Variants in MAGI2 observed in about 807,000 individuals in gnomAD.
The protein encoded by MAGI2 is membrane associated guanylate kinase, WW and PDZ domain containing 2, also known as membrane-associated guanylate kinase, WW and PDZ domain-containing protein 2.
In MAGI2, 35 loss-of-function variants were observed where a neutral mutation model predicts 133.3. The ratio of observed to expected loss-of-function variants is 0.26; its 90% CI spans 0.20 to 0.35. The LOEUF (loss-of-function observed/expected upper bound fraction) is 0.35, where lower values mean the gene tolerates loss of function less well. MAGI2 is among the 10% of genes least tolerant of loss of function. The pLI, the probability that MAGI2 is intolerant of heterozygous loss-of-function variation, is 1.00. For synonymous variants in MAGI2, 729 were observed against 710.6 expected (o/e 1.03, Z -0.41); for missense variants, 1,636 against 1,863.4 (o/e 0.88, Z 2.25).
intron 2 of MAGI2, among the ~76,000 whole-genome samples, chr7:78,906,291 C>G (rs1797987796): frequency 1.3e-5 from 2 of 152,204 alleles, no homozygotes; most frequent in Non-Finnish European, 2.9e-5. Flanking sequence ...CCTTTGGTAC[C>G]TGAAATGGCT....
intron 1 of MAGI2, among the ~76,000 whole-genome samples, chr7:79,114,128 T>C (rs1195059832): frequency 6.6e-6 from 1 of 152,162 alleles, no homozygotes; most frequent in Admixed American, 6.5e-5. Context: ...AAATGGGGTC[T>C]AAAATCAAGC....
At chr7:79,334,801 T>A (rs1317331873) in intron 1 of MAGI2, among the ~76,000 whole-genome samples, 1 of 152,184 alleles carries the variant, frequency 6.6e-6, no homozygotes, top group Non-Finnish European at 1.5e-5. Context: ...ACATAGTCTG[T>A]CCTCAAGACT....
chr7:79,344,363 T>C (rs1335511659), intron 1 of MAGI2, among the ~76,000 whole-genome samples: 2 of 152,086 alleles, frequency 1.3e-5, no homozygotes, highest in African/African-American at 4.8e-5. Flanking sequence ...TTTAGAAATC[T>C]AGCAATGCAA....
chr7:78,832,733 A>G (rs1791297454), intron 2 of MAGI2, among the ~76,000 whole-genome samples: 2 of 152,328 alleles, frequency 1.3e-5, no homozygotes, highest in Non-Finnish European at 2.9e-5. Context: ...TTGTAAATAC[A>G]AAGTGGCATG....
chr7:78,169,521 G>C (rs1825923412), intron 14 of MAGI2, among the ~76,000 whole-genome samples: 1 of 152,354 alleles, frequency 6.6e-6, no homozygotes, highest in South Asian at 2.1e-4. Flanking sequence ...CTGTTAACAT[G>C]ATAGCCAGAT....
At chr7:78,587,142 T>A (rs1803506286) in intron 3 of MAGI2, among the ~76,000 whole-genome samples, 1 of 152,224 alleles carries the variant, frequency 6.6e-6, no homozygotes, top group Non-Finnish European at 1.5e-5. Context: ...TTTGATATTT[T>A]GAGGAACCAC....
intron 1 of MAGI2, among the ~76,000 whole-genome samples, chr7:79,280,235 T>C (rs1053026307): frequency 6.6e-6 from 1 of 152,158 alleles, no homozygotes; most frequent in African/African-American, 2.4e-5. Context: ...CTGGGAGCAC[T>C]GGGGATTTAT....
chr7:78,749,647 G>A lies in MAGI2; in HGVS notation c.419-122408C>T, dbSNP rs186992280. 3.9e-5 allele frequency among the ~76,000 whole-genome samples: 6 copies of A among 152,268 alleles called. No individual in the cohort carries two copies. In the East Asian group the frequency reaches 1.2e-3, roughly 30 times the overall value. ...TGGCAGAATAAGGATAGATTGCAGA[G>A]GGCCTCAAATGCCAAGCTAGGGAGT... is the stretch of plus-strand genomic sequence containing the variant. On this transcript the variant is annotated intron_variant, in intron 2 of 21. Coordinates refer to ENST00000354212, the MANE Select transcript of MAGI2 (RefSeq NM_012301.4).
chr7:79,090,711 A>G (rs1176031338), intron 1 of MAGI2, among the ~76,000 whole-genome samples: 1 of 152,210 alleles, frequency 6.6e-6, no homozygotes, highest in Non-Finnish European at 1.5e-5. Context: ...TGACAATGCC[A>G]TAATTGTGTG....
chr7:79,105,652 A>G (rs980717921), intron 1 of MAGI2, among the ~76,000 whole-genome samples: 18 of 152,192 alleles, frequency 1.2e-4, no homozygotes, highest in African/African-American at 3.9e-4. Flanking sequence ...AATAATCTTA[A>G]TGTTAGCATA....
chr7:78,535,497 T>C lies in MAGI2; in HGVS notation c.539-13852A>G, dbSNP rs562315017. ...ATTTACAAAGGTAAAGATGTTATCTTTGAAACTGCCTTTGTAAAAATTATA... is the reference window on the plus strand; with the variant it reads ...ATTTACAAAGGTAAAGATGTTATCTCTGAAACTGCCTTTGTAAAAATTATA... On this transcript the variant is annotated intron_variant, in intron 3 of 21. Coordinates refer to ENST00000354212, the MANE Select transcript of MAGI2 (RefSeq NM_012301.4). 2.6e-5 allele frequency among the ~76,000 whole-genome samples: 4 copies of C among 152,324 alleles called. No homozygotes were observed. The South Asian group carries it at 8.3e-4, about 32-fold the overall frequency.
intron 1 of MAGI2, among the ~76,000 whole-genome samples, chr7:79,145,636 C>T (rs1162778695): frequency 6.6e-6 from 1 of 152,112 alleles, no homozygotes; most frequent in African/African-American, 2.4e-5. Context: ...AGAACCAATG[C>T]TCGTGTTCAC....
chr7:78,541,176 C>T (rs1270658898), intron 3 of MAGI2, among the ~76,000 whole-genome samples: 1 of 152,218 alleles, frequency 6.6e-6, no homozygotes, highest in Non-Finnish European at 1.5e-5. Context: ...GGGCTGGCAA[C>T]ACCAGGCTGC....
intron 1 of MAGI2, among the ~76,000 whole-genome samples, chr7:79,247,834 A>G (rs1287965260): frequency 2.0e-5 from 3 of 152,148 alleles, no homozygotes; most frequent in Admixed American, 6.6e-5. Context: ...TGAAATTTTC[A>G]TGGTACCCTC....
At chr7:78,715,115 A>G (rs919681602) in intron 2 of MAGI2, among the ~76,000 whole-genome samples, 1 of 152,226 alleles carries the variant, frequency 6.6e-6, no homozygotes, top group Admixed American at 6.5e-5. Flanking sequence ...TCAAATGGGA[A>G]TTGATTTGCT....
At chr7:78,049,085 G>T (rs1009301700) in intron 21 of MAGI2, among the ~76,000 whole-genome samples, 1 of 145,266 alleles carries the variant, frequency 6.9e-6, no homozygotes, top group African/African-American at 2.6e-5. Flanking sequence ...TCCAGCCTGC[G>T]CAACAGAGTG....
At chr7:79,274,120 T>G (rs183764241) in intron 1 of MAGI2, among the ~76,000 whole-genome samples, 1 of 152,172 alleles carries the variant, frequency 6.6e-6, no homozygotes. Context: ...AGTCAAGCAA[T>G]GAATCACTTT....
intron 2 of MAGI2, among the ~76,000 whole-genome samples, chr7:78,679,418 A>G (rs1418145387): frequency 1.3e-5 from 2 of 152,206 alleles, no homozygotes; most frequent in East Asian, 3.8e-4. Context: ...TCACGGTTTT[A>G]GCAAATATTT....
intron 16 of MAGI2, among the ~76,000 whole-genome samples, chr7:78,151,923 G>A (rs765514395): frequency 1.3e-4 from 20 of 152,050 alleles, no homozygotes; most frequent in Non-Finnish European, 2.5e-4. Flanking sequence ...GAAGCATACA[G>A]CCCCATCGAC....
Sources: gnomAD v4.1 joint callset for allele counts (sites outside exome capture counted in the v4.1 genomes callset) on GRCh38, gnomAD v4.1.1 for gene constraint, MANE v1.5 for transcripts, NCBI Gene and HGNC (gene_info 2026-07-23, HGNC 2026-07-21) for gene names.